The following DNMBP variants were observed in gnomAD, a reference collection of about 807,000 sequenced individuals.
The protein encoded by DNMBP is dynamin binding protein, also known as dynamin-binding protein.
A neutral mutation model predicts 150.0 loss-of-function variants in DNMBP; 87 were observed. That is an observed-to-expected ratio of 0.58 (90% CI 0.49 to 0.69). The LOEUF is 0.69. Ranked by LOEUF, DNMBP falls within the 30% of genes least tolerant of loss-of-function variation. DNMBP has a pLI of 0.00. For synonymous variants in DNMBP, 711 were observed against 750.4 expected (o/e 0.95, Z 0.86); for missense variants, 1,774 against 1,949.0 (o/e 0.91, Z 1.69).
At position 99,955,235 on chromosome 10, in the gene DNMBP, T is replaced by C. The variant is rs757229993; in HGVS notation, c.2239A>G (p.Met747Val). ...TTACCTCTTAGTTGCTGGAGTTCCA[T>C]ATTCAAACTTTCAATGTTACTTTCA... is the stretch of plus-strand genomic sequence containing the variant. Reference protein sequence around the residue: ...FCESNIESLNMELQQLREMTL... With the variant: ...FCESNIESLNVELQQLREMTL... The change falls in exon 4 of 17, where the codon ATG (methionine) becomes GTG (valine). Residue 747 changes from methionine to valine, a missense_variant. Coordinates refer to ENST00000324109, the MANE Select transcript of DNMBP (RefSeq NM_015221.4). 1 of 1,613,716 alleles carries C rather than the reference T, an allele frequency of 6.2e-7. No homozygotes were observed. Among genetic ancestry groups the C allele is most frequent in the Non-Finnish European group, 8.5e-7 (1 of 1,179,716 alleles).
chr10:99,879,221 T>C (rs991852011), intron 16 of DNMBP, among the ~76,000 whole-genome samples: 3 of 152,084 alleles, frequency 2.0e-5, no homozygotes, highest in Non-Finnish European at 4.4e-5. Context: ...TCCCAGCACT[T>C]TGGGAGGCCG....
At chr10:99,931,888 G>A (rs915732142) in intron 4 of DNMBP, among the ~76,000 whole-genome samples, 3 of 152,216 alleles carry the variant, frequency 2.0e-5, no homozygotes, top group Admixed American at 6.5e-5. Flanking sequence ...TCAGGGAAGC[G>A]GTTGGATGTG....
In DNMBP at chr10:99,978,086, G is replaced by A. The variant is rs549245748; in HGVS notation, c.-10-5952C>T. Among the ~76,000 whole-genome samples, 3 of 152,244 alleles carry A rather than the reference G, an allele frequency of 2.0e-5. No individual in the cohort carries two copies. The East Asian group carries it at 5.8e-4, about 29-fold the overall frequency. ...TAGGAGCTTAAATCCTCACGACTCC[G>A]CAAGGTAGACAGCAAGTCTCCAAAG... On this transcript the variant is annotated intron_variant, in intron 1 of 16. Transcript: ENST00000324109.
At chr10:99,984,810 C>T (rs2040813927) in intron 1 of DNMBP, among the ~76,000 whole-genome samples, 1 of 152,190 alleles carries the variant, frequency 6.6e-6, no homozygotes. Context: ...TCACTGCAGC[C>T]TTGACCTCCC....
chr10:99,882,898 T>C (rs987971105), intron 15 of DNMBP, among the ~76,000 whole-genome samples: 2 of 152,052 alleles, frequency 1.3e-5, no homozygotes, highest in Admixed American at 1.3e-4. Flanking sequence ...AAACCCCGTC[T>C]CTACAAAAAA....
chr10:99,877,271 C>G lies in DNMBP; in HGVS notation c.4614G>C (p.Gln1538His), dbSNP rs766961672. The change falls in exon 17 of 17, where the codon CAG (glutamine) becomes CAC (histidine). Residue 1538 changes from glutamine (Q) to histidine (H), a missense_variant. This residue lies in a region of DNMBP where 1,430 missense variants were observed against 1,492.5 expected (regional missense o/e 0.96). Transcript: ENST00000324109. ...CTTTAAACTCGAGGATCTTGAGTTT[C>G]TGATTGGCTGACACGCTCAGCTCAT... Reference protein sequence around the residue: ...NPNELSVSANQKLKILEFKDV... With the variant: ...NPNELSVSANHKLKILEFKDV... 6.2e-7 allele frequency: 1 copy of G among 1,614,060 alleles called. No individual in the cohort carries two copies. The highest frequency in any genetic ancestry group is 2.2e-5 in the East Asian group (1 of 44,856).
chr10:99,895,777 C>CA (rs1297812539), intron 10 of DNMBP, among the ~76,000 whole-genome samples: 6 of 152,200 alleles, frequency 3.9e-5, no homozygotes, highest in Non-Finnish European at 8.8e-5. Context: ...ATTTGGAGAA[C>CA]AAAATACAAA....
At chr10:99,910,246 A>T (rs891413650) in intron 4 of DNMBP, among the ~76,000 whole-genome samples, 2 of 152,256 alleles carry the variant, frequency 1.3e-5, no homozygotes, top group Non-Finnish European at 2.9e-5. Context: ...TTCTCTCAGA[A>T]GTTAGGAATT....
intron 11 of DNMBP, among the ~76,000 whole-genome samples, chr10:99,890,861 G>T (rs895679712): frequency 6.6e-6 from 1 of 152,126 alleles, no homozygotes; most frequent in African/African-American, 2.4e-5. Flanking sequence ...TGGCCAGGTT[G>T]GTCTCAAACT....
intron 16 of DNMBP, among the ~76,000 whole-genome samples, chr10:99,879,101 A>G (rs112258748): frequency 7.4e-6 from 1 of 135,084 alleles, no homozygotes; most frequent in Non-Finnish European, 1.5e-5. Flanking sequence ...AAAAAAAAAA[A>G]CCCAAAACGT....
intron 3 of DNMBP, among the ~76,000 whole-genome samples, chr10:99,960,421 C>G: frequency 6.6e-6 from 1 of 152,124 alleles, no homozygotes; most frequent in Non-Finnish European, 1.5e-5. Flanking sequence ...TAGCAAAGCA[C>G]CTGGCAAAAT....
Position 99,884,165 on chromosome 10 carries a change from C to T in DNMBP, c.3843G>A (p.Leu1281=). 6.2e-7 allele frequency: 1 copy of T among 1,613,938 alleles called. No individual in the cohort carries two copies. Among genetic ancestry groups the T allele is most frequent in the Non-Finnish European group, 8.5e-7 (1 of 1,180,026 alleles). ...AGAGTTTTTCAGGGGGATACCTGGC[C>T]AGGAGGGAGGCCCGGAGTTCTTCTG... ...LQSEELRASL[L]ARYPPEKLFQ... is the part of the protein sequence containing the mutation. The change falls in exon 15 of 17, where the codon CTG becomes CTA. Residue 1281 remains leucine, a synonymous_variant. Coordinates refer to ENST00000324109, the MANE Select transcript of DNMBP (RefSeq NM_015221.4).
rs531398004 is a variant in DNMBP, at chr10:100,001,413, G to GTTT, written c.-11+8422_-11+8424dup. On this transcript the variant is annotated intron_variant, in intron 1 of 16. Transcript: ENST00000324109. ...ATTGTGATGGGGTTTTGTTGTTGTTGTTTTTTTTTTTTTTTTGAGACAGGG... is the reference window on the plus strand; with the variant it reads ...ATTGTGATGGGGTTTTGTTGTTGTTGTTTTTTTTTTTTTTTTTTTGAGACAGGG... Among the ~76,000 whole-genome samples, 365 of 111,204 alleles carry GTTT rather than the reference G, an allele frequency of 3.3e-3. 8 individuals are homozygous for GTTT. The highest frequency in any genetic ancestry group is 4.8e-3 in the Non-Finnish European group (279 of 58,008). 73.0% of individuals were successfully genotyped at this position (111,204 alleles called of 152,430 possible). A position where few individuals can be genotyped will look rare whatever the true frequency, so the allele number is the denominator to read the frequency against.
chr10:99,978,482 T>A (rs11815640), intron 1 of DNMBP, among the ~76,000 whole-genome samples: 12,526 of 152,246 alleles, frequency 0.082, 745 homozygotes, highest in African/African-American at 0.16. Flanking sequence ...ATATATATAT[T>A]TTTTATTTTG....
At chr10:99,989,346 T>C (rs1432790968) in intron 1 of DNMBP, among the ~76,000 whole-genome samples, 1 of 152,214 alleles carries the variant, frequency 6.6e-6, no homozygotes, top group African/African-American at 2.4e-5. Flanking sequence ...GCTCCTGTAA[T>C]CTGCCATTAG....
intron 4 of DNMBP, among the ~76,000 whole-genome samples, chr10:99,920,323 C>T (rs1371729313): frequency 2.6e-5 from 4 of 152,116 alleles, no homozygotes; most frequent in African/African-American, 9.7e-5. Flanking sequence ...GATCCACTCG[C>T]CTCGGCCTCC....
chr10:99,943,308 A>AC (rs1180096067), intron 4 of DNMBP, among the ~76,000 whole-genome samples: 1 of 152,160 alleles, frequency 6.6e-6, no homozygotes, highest in African/African-American at 2.4e-5. Context: ...CAAAAAAAAA[A>AC]AACACAGAAT....
Position 99,880,292 on chromosome 10 carries a change from G to C in DNMBP, c.4067C>G (p.Ser1356Cys), listed in dbSNP as rs748008075. 1.2e-6 allele frequency: 2 copies of C among 1,613,512 alleles called. No homozygotes were observed. The highest frequency in any genetic ancestry group is 2.7e-5 in the African/African-American group (2 of 74,918). Residue 1356 changes from serine (S) to cysteine (C), a missense_variant, in exon 16 of 17, where the codon TCC (serine) becomes TGC (cysteine). Around this residue, in one of 2 missense-constraint regions of DNMBP, gnomAD observed 1,430 missense variants for 1,492.5 expected, o/e 0.96. Transcript: ENST00000324109. ...CTCTGTGGAGGAGTGGCTACCCACGGAGGCATCGGAGTGGCTGCGGCGAGG... is the reference window on the plus strand; with the variant it reads ...CTCTGTGGAGGAGTGGCTACCCACGCAGGCATCGGAGTGGCTGCGGCGAGG... ...YNPRRSHSDASVGSHSSTESE... is the reference protein window; with the variant it reads ...YNPRRSHSDACVGSHSSTESE...
Position 99,956,335 on chromosome 10 carries a change from G to A in DNMBP, c.1139C>T (p.Thr380Ile). 1 of 1,613,970 alleles carries A rather than the reference G, an allele frequency of 6.2e-7. No individual in the cohort carries two copies. Among genetic ancestry groups the A allele is most frequent in the South Asian group, 1.1e-5 (1 of 91,056 alleles). ...TGGGCTTCTCGGGGGCCCTCCTGCGGTGTCCTCGTCCTGATAAGAGTTTCT... is the reference window on the plus strand; with the variant it reads ...TGGGCTTCTCGGGGGCCCTCCTGCGATGTCCTCGTCCTGATAAGAGTTTCT... ...TDRNSYQDED[T>I]AGGPPRSPGV... is the part of the protein sequence containing the mutation. Residue 380 changes from threonine to isoleucine, a missense_variant, in exon 4 of 17, where the codon ACC becomes ATC. Physicochemically the swap from Thr to Ile is moderately conservative, Grantham distance 89 (BLOSUM62 -1). This residue lies in a region of DNMBP where 1,430 missense variants were observed against 1,492.5 expected (regional missense o/e 0.96). Transcript: ENST00000324109.
Sources: allele counts gnomAD v4.1 joint callset (sites outside exome capture counted in the v4.1 genomes callset), GRCh38; gene constraint gnomAD v4.1.1; regional missense constraint gnomAD v4.1.1; transcripts MANE v1.5; gene names NCBI Gene and HGNC (gene_info 2026-07-23, HGNC 2026-07-21).